The following SERINC2 variants were observed in gnomAD, a reference collection of about 807,000 sequenced individuals.
SERINC2 encodes the protein serine incorporator 2.
A neutral mutation model predicts 54.2 loss-of-function variants in SERINC2; 56 were observed. The observed-to-expected ratio is 1.03, with a 90% confidence interval of 0.83 to 1.29. The LOEUF (loss-of-function observed/expected upper bound fraction) is 1.29, where lower values mean the gene tolerates loss of function less well. Ranked by LOEUF, SERINC2 falls within the 50% of genes most tolerant of loss-of-function variation. The pLI, the probability that SERINC2 is intolerant of heterozygous loss-of-function variation, is 0.00. For synonymous variants in SERINC2, 272 were observed against 253.1 expected (o/e 1.07, Z -0.71); for missense variants, 614 against 607.4 (o/e 1.01, Z -0.12).
In SERINC2 at chr1:31,429,378, A is replaced by G; in HGVS notation, c.872-19A>G. ...GCCTGGCCTGCATGGGCTGAGGGTG[A>G]TTGTGCTCCCATCTCCAGAACAGAA... On this transcript the variant is annotated intron_variant, in intron 7 of 9. Coordinates refer to ENST00000373709, the MANE Select transcript of SERINC2 (RefSeq NM_178865.5). 6.2e-7 allele frequency: 1 copy of G among 1,602,046 alleles called. No homozygotes were observed. Among genetic ancestry groups the G allele is most frequent in the Non-Finnish European group, 8.5e-7 (1 of 1,173,510 alleles).
chr1:31,423,859 GTGC>G lies in SERINC2; in HGVS notation c.201+6_201+8del, dbSNP rs781956326. The G allele has an allele frequency of 1.2e-6, 2 of 1,613,420 alleles. No individual in the cohort carries two copies. Among genetic ancestry groups the G allele is most frequent in the Admixed American group, 3.3e-5 (2 of 60,022 alleles). ...GTGGAGAGTCAGCTCTACAAGGTGA[GTGC>G]CCCAGGGGAGGCAGGGCGGCCTCCA... On this transcript the variant is annotated splice_donor_region_variant and intron_variant, in intron 2 of 9. Transcript: ENST00000373709.
intron 7 of SERINC2, 26 bp from the exon 8 acceptor site, chr1:31,429,365 TGGGCTG>T: frequency 6.3e-7 from 1 of 1,585,990 alleles, no homozygotes; most frequent in Admixed American, 1.7e-5. Flanking sequence ...CTGGCCTGCA[TGGGCTG>T]AGGGTGATTG....
chr1:31,425,561 G>C (rs1337910765), intron 4 of SERINC2, 152 bp downstream of exon 4: 1 of 886,956 alleles, frequency 1.1e-6, no homozygotes, highest in Non-Finnish European at 1.8e-6. Context: ...CAGCACTGTG[G>C]TGCTTGGCCA....
intron 1 of SERINC2, among the ~76,000 whole-genome samples, chr1:31,418,020 C>G (rs782438394): frequency 6.6e-6 from 1 of 151,880 alleles, no homozygotes; most frequent in Non-Finnish European, 1.5e-5. Flanking sequence ...CCATGCCCAG[C>G]TAATTTTTTT....
intron 8 of SERINC2, among the ~76,000 whole-genome samples, chr1:31,430,725 C>G (rs907159017): frequency 6.6e-6 from 1 of 152,184 alleles, no homozygotes; most frequent in Non-Finnish European, 1.5e-5. Flanking sequence ...GGTGGCTGTT[C>G]TTACAAGTCA....
chr1:31,426,734 A>T lies in SERINC2; in HGVS notation c.691A>T (p.Ser231Cys). ...GATGTTCATGTACTACACTGAGCCC[A>T]GCGGCTGCCACGAGGGCAAGGTCTT... ...ALMFMYYTEPSGCHEGKVFIS... is the reference protein window; with the variant it reads ...ALMFMYYTEPCGCHEGKVFIS... The change falls in exon 6 of 10, where the codon AGC (serine) becomes TGC (cysteine). Residue 231 changes from serine to cysteine, a missense_variant. By Grantham distance (112) the Ser-to-Cys change is moderately radical. Transcript: ENST00000373709. The T allele has an allele frequency of 6.2e-7, 1 of 1,614,118 alleles. No homozygotes were observed. The highest frequency in any genetic ancestry group is 8.5e-7 in the Non-Finnish European group (1 of 1,180,018).
chr1:31,429,747 G>A (rs531180999), intron 8 of SERINC2, among the ~76,000 whole-genome samples: 1 of 152,344 alleles, frequency 6.6e-6, no homozygotes, highest in East Asian at 1.9e-4. Context: ...TTGCCTCCTG[G>A]CTCACAGCCC....
rs1553134171 is a variant in SERINC2, at chr1:31,429,522, T to G, written c.997T>G (p.Cys333Gly). Residue 333 changes from cysteine (C) to glycine (G), a missense_variant, in exon 8 of 10, where the codon TGC becomes GGC. By Grantham distance (159) the Cys-to-Gly change is radical (BLOSUM62 -3). Coordinates refer to ENST00000373709, the MANE Select transcript of SERINC2 (RefSeq NM_178865.5). Reference sequence around the variant, plus strand: ...TGTGGGCCTCATCATCTTCCTCCTGTGCACCCTCTTCATCAGGTATGGCCA... The same window carrying G: ...TGTGGGCCTCATCATCTTCCTCCTGGGCACCCTCTTCATCAGGTATGGCCA... The part of the protein sequence containing the change: ...SIVGLIIFLL[C>G]TLFISLRSSD... 1 of 1,611,552 alleles carries G rather than the reference T, an allele frequency of 6.2e-7. No individual in the cohort carries two copies. Among genetic ancestry groups the G allele is most frequent in the Non-Finnish European group, 8.5e-7 (1 of 1,178,574 alleles).
chr1:31,434,378 G>C lies in SERINC2; in HGVS notation c.*179G>C. On this transcript the variant is annotated 3_prime_UTR_variant, in exon 10 of 10. Coordinates refer to ENST00000373709, the MANE Select transcript of SERINC2 (RefSeq NM_178865.5). ...TCGTAGTGCCTTCAGGGTCCGAGGAGCATCAGGCTCCTGCAGAGCCCCATC... is the reference window on the plus strand; with the variant it reads ...TCGTAGTGCCTTCAGGGTCCGAGGACCATCAGGCTCCTGCAGAGCCCCATC... The C allele has an allele frequency of 3.2e-6, 2 of 625,346 alleles. No homozygotes were observed. Among genetic ancestry groups the C allele is most frequent in the Non-Finnish European group, 5.5e-6 (2 of 362,332 alleles). 38.7% of individuals were successfully genotyped at this position (625,346 alleles called of 1,614,324 possible). A position where few individuals can be genotyped will look rare whatever the true frequency, so the allele number is the denominator to read the frequency against.
rs1317951431 is a variant in SERINC2, at chr1:31,413,671, T to TGGCCTCTGTCCCCGTCCC, written c.39+370_39+387dup. ...GCCCCACTTGGGGCGGTCCTCGGGGTGGCCTCTGTCCCCGTCCCGGACGCC... is the reference window on the plus strand; with the variant it reads ...GCCCCACTTGGGGCGGTCCTCGGGGTGGCCTCTGTCCCCGTCCCGGCCTCTGTCCCCGTCCCGGACGCC... On this transcript the variant is annotated intron_variant, in intron 1 of 9. Transcript: ENST00000373709. This position sits in a 1 kb window ranked among gnomAD's most constrained non-coding sequence, Gnocchi z 5.0. 66 of 857,690 alleles carry TGGCCTCTGTCCCCGTCCC rather than the reference T, an allele frequency of 7.7e-5. No homozygotes were observed. The African/African-American group carries it at 1.1e-3, about 14-fold the overall frequency. The allele number at this position is 857,690 out of a possible 1,614,324, so 53.1% of individuals were successfully genotyped here.
At chr1:31,427,162 G>A (rs189190294) in intron 6 of SERINC2, among the ~76,000 whole-genome samples, 3 of 152,034 alleles carry the variant, frequency 2.0e-5, no homozygotes, top group African/African-American at 7.3e-5. Context: ...AGTTATTATT[G>A]TTGTCATTTT....
rs1641299689 is a variant in SERINC2 at position 31,432,147 on chromosome 1, C to CAGGGTGGATAGGGTGGATAGGGTGGAT, written c.1014-812_1014-811insTAGGGTGGATAGGGTGGATAGGGTGGA. On this transcript the variant is annotated intron_variant, in intron 8 of 9. Coordinates refer to ENST00000373709, the MANE Select transcript of SERINC2 (RefSeq NM_178865.5). ...GGGTGGATAGGGTGGACAGGGTGGA[C>CAGGGTGGATAGGGTGGATAGGGTGGAT]AGGGTGGACAGGGTGGATAGGGTGG... 4.2e-4 allele frequency among the ~76,000 whole-genome samples: 2 copies of CAGGGTGGATAGGGTGGATAGGGTGGAT among 4,770 alleles called. 1 individual carries two copies. Among genetic ancestry groups the CAGGGTGGATAGGGTGGATAGGGTGGAT allele is most frequent in the African/African-American group, 2.0e-3 (2 of 1,008 alleles). 3.1% of individuals were successfully genotyped at this position (4,770 alleles called of 152,430 possible).
chr1:31,410,494 G>A, upstream of SERINC2: 2 of 1,546,362 alleles, frequency 1.3e-6, no homozygotes, highest in Non-Finnish European at 8.7e-7. Context: ...GTCTTGGGCA[G>A]GCAGGAGGCC....
At chr1:31,412,866 G>A (rs1640675444), upstream of SERINC2, among the ~76,000 whole-genome samples, 1 of 152,212 alleles carries the variant, frequency 6.6e-6, no homozygotes, top group African/African-American at 2.4e-5. Flanking sequence ...ATTGAGCAGA[G>A]GCCCTGCGCC....
intron 8 of SERINC2, among the ~76,000 whole-genome samples, chr1:31,432,104 GGGTGGATAGGGTGGTT>G (rs1570069138): frequency 1.1e-4 from 14 of 132,124 alleles, no homozygotes; most frequent in East Asian, 2.4e-4. Context: ...AGGGTGGACA[GGGTGGATAGGGTGGTT>G]AGGGTGGATA....
upstream of SERINC2, chr1:31,410,123 A>G (rs148209324): frequency 1.8e-4 from 254 of 1,389,014 alleles, no homozygotes; most frequent in Non-Finnish European, 2.3e-4. Context: ...GAGAAGCTGA[A>G]TCCTGAATTC....
chr1:31,431,939 T>TGGATAGGGTGGA (rs1641248676), intron 8 of SERINC2, among the ~76,000 whole-genome samples: 1 of 2,992 alleles, frequency 3.3e-4, no homozygotes, highest in African/African-American at 1.0e-3. Context: ...GATAGGGTGG[T>TGGATAGGGTGGA]TAGGGTGGTT....
intron 8 of SERINC2, 27 bp downstream of exon 8, chr1:31,429,565 A>G: frequency 1.3e-6 from 2 of 1,575,252 alleles, no homozygotes; most frequent in Non-Finnish European, 1.7e-6. Context: ...ATTCTGGGGA[A>G]GGATCATGAT....
At chr1:31,428,715 G>C (rs557510065) in intron 6 of SERINC2, among the ~76,000 whole-genome samples, 1 of 152,250 alleles carries the variant, frequency 6.6e-6, no homozygotes, top group African/African-American at 2.4e-5. Context: ...GGAGATGAAG[G>C]AATTCAGTGT....
Sources: allele counts gnomAD v4.1 joint callset (sites outside exome capture counted in the v4.1 genomes callset), GRCh38; gene constraint gnomAD v4.1.1; non-coding constraint Gnocchi (gnomAD v3.1); transcripts MANE v1.5; gene names NCBI Gene and HGNC (gene_info 2026-07-23, HGNC 2026-07-21).